The following PPP2R2C variants were observed in gnomAD, a reference collection of about 807,000 sequenced individuals.
PPP2R2C encodes protein phosphatase 2, regulatory subunit B, gamma.
PPP2R2C carries 10 observed loss-of-function variants against 45.3 expected under a neutral mutation model. The ratio of observed to expected loss-of-function variants is 0.22; its 90% confidence interval spans 0.14 to 0.37. The LOEUF (loss-of-function observed/expected upper bound fraction) is 0.37, where lower values mean the gene tolerates loss of function less well. PPP2R2C is among the 10% of genes least tolerant of loss of function. PPP2R2C has a pLI of 1.00. For synonymous variants in PPP2R2C, 257 were observed against 245.4 expected, an observed-to-expected ratio of 1.05 and a Z score of -0.44; for missense variants, 308 against 619.7, an observed-to-expected ratio of 0.50 and a Z score of 5.34.
At chr4:6,558,753 G>A (rs569057243) in intron 1 of PPP2R2C, among the ~76,000 whole-genome samples, 4 of 152,164 alleles carry the variant, frequency 2.6e-5, no homozygotes, top group African/African-American at 4.8e-5. Context: ...GCCCTGCACC[G>A]AGCCAAGCTT....
chr4:6,411,063 G>A (rs1223985684), intron 1 of PPP2R2C, among the ~76,000 whole-genome samples: 5 of 151,938 alleles, frequency 3.3e-5, no homozygotes, highest in Non-Finnish European at 7.4e-5. Context: ...TAGAGATGGA[G>A]TTTCACCATG....
chr4:6,476,195 C>T (rs1339588240), upstream of PPP2R2C, among the ~76,000 whole-genome samples: 3 of 152,210 alleles, frequency 2.0e-5, no homozygotes, highest in Non-Finnish European at 4.4e-5. Context: ...GCTTGAAGAA[C>T]GACCACAAAG....
At chr4:6,478,960 C>A (rs1301748764) in intron 2 of PPP2R2C, among the ~76,000 whole-genome samples, 1 of 152,222 alleles carries the variant, frequency 6.6e-6, no homozygotes, top group South Asian at 2.1e-4. Context: ...ACAAAACCAC[C>A]ACATGCAAGT....
At chr4:6,362,697 G>A (rs1027517992) in intron 5 of PPP2R2C, among the ~76,000 whole-genome samples, 2 of 152,186 alleles carry the variant, frequency 1.3e-5, no homozygotes, top group Non-Finnish European at 2.9e-5. Flanking sequence ...CCCACCTGGC[G>A]AGTGGTCATG....
Position 6,471,369 on chromosome 4 carries a change from G to A in PPP2R2C, c.70+791C>T, listed in dbSNP as rs1023791358. Among the ~76,000 whole-genome samples, 1 of 152,116 alleles carries A rather than the reference G, an allele frequency of 6.6e-6. No individual in the cohort carries two copies. Among genetic ancestry groups the A allele is most frequent in the Non-Finnish European group, 1.5e-5 (1 of 68,000 alleles). On this transcript the variant is annotated intron_variant, in intron 1 of 8. Coordinates refer to ENST00000382599, the MANE Select transcript of PPP2R2C (RefSeq NM_020416.4). This position sits in a 1 kb window ranked among gnomAD's most constrained non-coding sequence, Gnocchi z 5.6. ...ACTGTTCCCCTAGCGAGGCAGACCA[G>A]GGGGCCCCCGGAAGTTCCAGGCCTG... is the stretch of plus-strand genomic sequence containing the variant.
intron 1 of PPP2R2C, among the ~76,000 whole-genome samples, chr4:6,417,294 C>T (rs1290172349): frequency 6.6e-6 from 1 of 152,236 alleles, no homozygotes; most frequent in Non-Finnish European, 1.5e-5. Context: ...TCACCAGGCC[C>T]CATCCACGGG....
chr4:6,545,943 G>A (rs1724966310), intron 1 of PPP2R2C, among the ~76,000 whole-genome samples: 1 of 151,100 alleles, frequency 6.6e-6, no homozygotes, highest in African/African-American at 2.4e-5. Flanking sequence ...CAATGCCCCA[G>A]CACCACAGTT....
At chr4:6,548,255 A>G (rs1725060731) in intron 1 of PPP2R2C, among the ~76,000 whole-genome samples, 2 of 151,936 alleles carry the variant, frequency 1.3e-5, no homozygotes, top group Admixed American at 1.3e-4. Flanking sequence ...AGAAGTCATA[A>G]TGGGGCACAA....
At chr4:6,548,921 G>A (rs903341603) in intron 1 of PPP2R2C, among the ~76,000 whole-genome samples, 4 of 152,146 alleles carry the variant, frequency 2.6e-5, no homozygotes, top group South Asian at 2.1e-4. Context: ...AACAGTGCCC[G>A]TCCCTTGGCA....
chr4:6,462,714 G>A (rs558879646), intron 1 of PPP2R2C, among the ~76,000 whole-genome samples: 8 of 152,330 alleles, frequency 5.3e-5, no homozygotes, highest in Non-Finnish European at 1.2e-4. Context: ...GTTTTGTGAG[G>A]TGGGATAACA....
At position 6,520,355 on chromosome 4, in the gene PPP2R2C, A is replaced by G. The variant is rs111849282; in HGVS notation, c.49+14916T>C. 7.8e-3 allele frequency among the ~76,000 whole-genome samples: 1,174 copies of G among 151,380 alleles called. 18 individuals carry two copies. Among genetic ancestry groups the G allele is most frequent in the African/African-American group, 0.027 (1,117 of 40,948 alleles). On this transcript the variant is annotated intron_variant, in intron 2 of 9. Transcript: ENST00000506140. ...GGTAGCATGGTCTATACCCAAAAAA[A>G]GGGCAACTCTGTCCCCGAGCAGCTC... is the stretch of plus-strand genomic sequence containing the variant.
At chr4:6,432,253 A>G (rs773363819) in intron 1 of PPP2R2C, among the ~76,000 whole-genome samples, 27 of 152,124 alleles carry the variant, frequency 1.8e-4, no homozygotes, top group Non-Finnish European at 3.7e-4. Context: ...CTCCTGAGCC[A>G]TGTTCACCTG....
chr4:6,511,261 CTG>C (rs1459079830), intron 2 of PPP2R2C, among the ~76,000 whole-genome samples: 3 of 129,510 alleles, frequency 2.3e-5, no homozygotes, highest in Non-Finnish European at 4.8e-5. Context: ...GATGCTGATG[CTG>C]ATGCTGATGC....
At chr4:6,425,846 G>A (rs1719262621) in intron 1 of PPP2R2C, among the ~76,000 whole-genome samples, 1 of 151,862 alleles carries the variant, frequency 6.6e-6, no homozygotes, top group Non-Finnish European at 1.5e-5. Flanking sequence ...TGGTGTGTGT[G>A]TTATGTGTGT....
chr4:6,539,006 T>C (rs1320326911), intron 1 of PPP2R2C, among the ~76,000 whole-genome samples: 1 of 152,130 alleles, frequency 6.6e-6, no homozygotes, highest in East Asian at 1.9e-4. Context: ...CCCCCTAAAA[T>C]CTGCATGCTG....
intron 1 of PPP2R2C, among the ~76,000 whole-genome samples, chr4:6,443,330 A>G (rs936979794): frequency 6.6e-6 from 1 of 152,200 alleles, no homozygotes; most frequent in Non-Finnish European, 1.5e-5. Context: ...GTTTCATTAG[A>G]AAGGTTTTCT....
chr4:6,404,618 T>C (rs1314302452), intron 1 of PPP2R2C, among the ~76,000 whole-genome samples: 2 of 151,890 alleles, frequency 1.3e-5, no homozygotes, highest in Admixed American at 1.3e-4. Flanking sequence ...TAGGAAATTA[T>C]GGGCCCTGGA....
At chr4:6,508,379 G>C (rs34075489) in intron 2 of PPP2R2C, among the ~76,000 whole-genome samples, 18,918 of 152,208 alleles carry the variant, frequency 0.12, 1,352 homozygotes, top group Non-Finnish European at 0.17. Context: ...GAGGTCAGGA[G>C]TTTGAGACCA....
intron 1 of PPP2R2C, among the ~76,000 whole-genome samples, chr4:6,420,771 T>G (rs546405828): frequency 2.0e-5 from 3 of 151,914 alleles, no homozygotes; most frequent in African/African-American, 4.8e-5. Context: ...AGCCATAGAG[T>G]TGGAAACCAG....
Sources: allele counts gnomAD v4.1 joint callset (sites outside exome capture counted in the v4.1 genomes callset), GRCh38; gene constraint gnomAD v4.1.1; non-coding constraint Gnocchi (gnomAD v3.1); transcripts MANE v1.5; gene names NCBI Gene and HGNC (gene_info 2026-07-23, HGNC 2026-07-21).